Variants in TBXAS1 observed in about 807,000 individuals in gnomAD.
The protein encoded by TBXAS1 is thromboxane-A synthase.
Under a neutral mutation model 60.7 loss-of-function variants are expected in TBXAS1, and 48 were observed. The observed-to-expected ratio is 0.79, with a 90% CI of 0.63 to 1.01. TBXAS1 has a LOEUF of 1.01. TBXAS1 is among the 50% of genes least tolerant of loss of function. The probability of loss-of-function intolerance (pLI) is 0.00; values close to 1 mark genes in which losing one functional copy is unlikely to be tolerated. For missense variants in TBXAS1, 685 were observed against 686.3 expected (o/e 1.00, Z 0.02); for synonymous variants, 287 against 269.7 (o/e 1.06, Z -0.63).
chr7:139,972,155 C>A (rs538166443), intron 9 of TBXAS1, among the ~76,000 whole-genome samples: 12 of 152,338 alleles, frequency 7.9e-5, no homozygotes, highest in African/African-American at 1.7e-4. Context: ...TCCCCCTCCC[C>A]CTGAGTCCCT....
rs556327736 is a variant in TBXAS1 at position 139,979,555 on chromosome 7, G to A, written c.1134+17322G>A. Among the ~76,000 whole-genome samples the A allele has an allele frequency of 9.2e-5, 14 of 151,808 alleles. No homozygotes were observed. In the South Asian group the frequency reaches 1.2e-3, roughly 14 times the overall value. The stretch of plus-strand genomic sequence containing the variant: ...CAGCCTGACCAATACGGTGAAACCC[G>A]CCTCTACTAAAAATACAAAAATTAG... On this transcript the variant is annotated intron_variant, in intron 9 of 12. Transcript: ENST00000448866.
intron 4 of TBXAS1, among the ~76,000 whole-genome samples, chr7:139,807,272 T>C (rs1472425262): frequency 6.6e-6 from 1 of 152,210 alleles, no homozygotes; most frequent in Admixed American, 6.5e-5. Context: ...AGTGGCACGA[T>C]CATAGCTCAC....
intron 4 of TBXAS1, among the ~76,000 whole-genome samples, chr7:139,930,862 G>A (rs1208758356): frequency 6.6e-6 from 1 of 152,138 alleles, no homozygotes; most frequent in African/African-American, 2.4e-5. Context: ...CCTCAGCCAG[G>A]GTGGCAGCTG....
intron 1 of TBXAS1, among the ~76,000 whole-genome samples, chr7:139,834,978 A>G (rs571590315): frequency 6.6e-6 from 1 of 152,292 alleles, no homozygotes; most frequent in Admixed American, 6.5e-5. Context: ...TGAAGCCAGT[A>G]TCACCCCAAT....
chr7:139,918,319 A>C (rs1285322912), intron 4 of TBXAS1, among the ~76,000 whole-genome samples: 1 of 152,256 alleles, frequency 6.6e-6, no homozygotes. Flanking sequence ...TGCCCAGTTC[A>C]CGTGACCGTT....
chr7:139,796,170 C>T (rs905197549), intron 4 of TBXAS1, among the ~76,000 whole-genome samples: 7 of 152,092 alleles, frequency 4.6e-5, no homozygotes, highest in African/African-American at 1.7e-4. Context: ...ATTAGACTAA[C>T]CTTGAGGAGA....
intron 3 of TBXAS1, among the ~76,000 whole-genome samples, chr7:139,894,447 C>T (rs1234930163): frequency 6.6e-6 from 1 of 152,100 alleles, no homozygotes; most frequent in Non-Finnish European, 1.5e-5. Flanking sequence ...CCTGCTCTCA[C>T]CACTTAGAAA....
In TBXAS1 at chr7:140,013,963, C is replaced by G. The variant is rs1335773270; in HGVS notation, c.1227-1760C>G. On this transcript the variant is annotated intron_variant, in intron 10 of 12. Coordinates refer to ENST00000448866, the MANE Select transcript of TBXAS1 (RefSeq NM_001061.7). The surrounding 1 kb of genome is among the most constrained non-coding windows in gnomAD (Gnocchi z 4.2). ...ACTGATTGCCCTTGACTTTGAGCTA[C>G]AGGTTTCACCAGCTAACTGCGACTC... 1.3e-5 allele frequency among the ~76,000 whole-genome samples: 2 copies of G among 152,200 alleles called. No homozygotes were observed. Among genetic ancestry groups the G allele is most frequent in the African/African-American group, 4.8e-5 (2 of 41,462 alleles).
At chr7:139,971,674 G>T (rs8192842) in intron 9 of TBXAS1, among the ~76,000 whole-genome samples, 4,614 of 152,030 alleles carry the variant, frequency 0.03, 257 homozygotes, top group East Asian at 0.21. Context: ...ACAGTAACCC[G>T]TAGGGAAACT....
At chr7:139,794,298 C>T (rs978842245) in intron 4 of TBXAS1, among the ~76,000 whole-genome samples, 22 of 152,214 alleles carry the variant, frequency 1.4e-4, no homozygotes, top group African/African-American at 5.3e-4. Context: ...TGAGGTTTCA[C>T]CATGTTGGCC....
chr7:139,807,990 A>G (rs1341605037), intron 4 of TBXAS1, among the ~76,000 whole-genome samples: 1 of 152,186 alleles, frequency 6.6e-6, no homozygotes, highest in African/African-American at 2.4e-5. Context: ...GAGATGTTCA[A>G]TAGCCACCAT....
chr7:139,827,131 G>C (rs1310389309), upstream of TBXAS1, among the ~76,000 whole-genome samples: 1 of 152,184 alleles, frequency 6.6e-6, no homozygotes, highest in Non-Finnish European at 1.5e-5. Flanking sequence ...CTCTCTGGGT[G>C]AAGGCAGCAG....
intron 4 of TBXAS1, among the ~76,000 whole-genome samples, chr7:139,927,292 T>C (rs1247094172): frequency 6.6e-6 from 1 of 152,152 alleles, no homozygotes; most frequent in Non-Finnish European, 1.5e-5. Flanking sequence ...AGACACACTT[T>C]TGTGTATCTA....
chr7:139,984,899 G>T (rs936219029), intron 9 of TBXAS1, among the ~76,000 whole-genome samples: 2 of 129,318 alleles, frequency 1.5e-5, no homozygotes, highest in Non-Finnish European at 3.3e-5. Context: ...AAGCAGCAAA[G>T]AAAGAAAGGA....
At position 140,017,747 on chromosome 7, in the gene TBXAS1, G is replaced by C. The variant is rs199422116; in HGVS notation, c.1441G>C (p.Gly481Arg). Residue 481 changes from glycine (G) to arginine (R), a missense_variant, in exon 12 of 13, where the codon GGG (glycine) becomes CGG (arginine). Coordinates refer to ENST00000448866, the MANE Select transcript of TBXAS1 (RefSeq NM_001061.7). The part of the protein sequence containing the change: ...PFGAGPRSCL[G>R]VRLGLLEVKL... Reference sequence around the variant, plus strand: ...CGGGGCCGGCCCACGGAGCTGCCTCGGGGTGCGTCTAGGGCTGCTTGAGGT... The same window carrying C: ...CGGGGCCGGCCCACGGAGCTGCCTCCGGGTGCGTCTAGGGCTGCTTGAGGT... 6.2e-7 allele frequency: 1 copy of C among 1,614,066 alleles called. No homozygotes were observed. Among genetic ancestry groups the C allele is most frequent in the South Asian group, 1.1e-5 (1 of 91,080 alleles).
chr7:139,795,992 T>A (rs980604404), intron 4 of TBXAS1, among the ~76,000 whole-genome samples: 14 of 152,178 alleles, frequency 9.2e-5, no homozygotes, highest in Non-Finnish European at 1.9e-4. Flanking sequence ...ATGTGATGAA[T>A]GCCTTGGACC....
chr7:139,843,884 C>T (rs1304060572), intron 1 of TBXAS1, among the ~76,000 whole-genome samples: 1 of 152,182 alleles, frequency 6.6e-6, no homozygotes, highest in Admixed American at 6.5e-5. Flanking sequence ...TCAGTCTCCC[C>T]CTAATTGCAC....
At chr7:139,883,454 T>G (rs985932057) in intron 3 of TBXAS1, among the ~76,000 whole-genome samples, 8 of 152,220 alleles carry the variant, frequency 5.3e-5, no homozygotes, top group Non-Finnish European at 1.0e-4. Context: ...TAACAGCATA[T>G]GGGTGATGGT....
intron 1 of TBXAS1, among the ~76,000 whole-genome samples, chr7:139,869,300 T>C (rs1377806332): frequency 6.6e-6 from 1 of 152,214 alleles, no homozygotes; most frequent in Non-Finnish European, 1.5e-5. Flanking sequence ...CTCGGCACTT[T>C]CCTGTGAATC....
Sources: gnomAD v4.1 joint callset for allele counts (sites outside exome capture counted in the v4.1 genomes callset) on GRCh38, gnomAD v4.1.1 for gene constraint, Gnocchi (gnomAD v3.1) non-coding constraint, MANE v1.5 for transcripts, NCBI Gene and HGNC (gene_info 2026-07-23, HGNC 2026-07-21) for gene names.